The following ASB3 variants were observed in gnomAD, a reference collection of about 807,000 sequenced individuals.
ASB3 encodes ankyrin repeat and SOCS box protein 3.
A neutral mutation model predicts 54.5 loss-of-function variants in ASB3; 41 were observed. The ratio of observed to expected loss-of-function variants is 0.75; its 90% CI spans 0.59 to 0.98. The LOEUF (loss-of-function observed/expected upper bound fraction) is 0.98, where lower values mean the gene tolerates loss of function less well. Among genes scored for constraint, ASB3 ranks in the 50% least tolerant of loss-of-function variants. ASB3 has a pLI of 0.00. For missense variants in ASB3, 733 were observed against 620.0 expected (o/e 1.18, Z -1.94); for synonymous variants, 266 against 221.2 (o/e 1.20, Z -1.80).
At chr2:53,757,767 C>T (rs1558563512) in intron 2 of ASB3, among the ~76,000 whole-genome samples, 1 of 152,198 alleles carries the variant, frequency 6.6e-6, no homozygotes, top group Non-Finnish European at 1.5e-5. Flanking sequence ...GACCCATTCC[C>T]CACCACCCTT....
intron 8 of ASB3, 87 bp from the exon 9 acceptor site, chr2:53,694,101 C>G (rs1558520690): frequency 1.4e-6 from 2 of 1,477,384 alleles, no homozygotes; most frequent in Admixed American, 2.1e-5. Flanking sequence ...CCTATTCTTA[C>G]AAAATCTCAA....
intron 1 of ASB3, chr2:53,767,686 A>C: frequency 1.6e-6 from 1 of 619,082 alleles, no homozygotes; most frequent in Non-Finnish European, 2.8e-6. Flanking sequence ...TTGACACCCT[A>C]ATCAAGGAAA....
rs140302390 is a variant in ASB3 at position 53,764,962 on chromosome 2, A to C, written c.196+415T>G. ...TGTTTCATGCTAAGTAGTTGTAAAA[A>C]TTCCCAAAAGTATTAAAAAGTGTTT... On this transcript the variant is annotated intron_variant, in intron 2 of 9. Transcript: ENST00000263634. 4.4e-3 allele frequency among the ~76,000 whole-genome samples: 667 copies of C among 152,364 alleles called. 7 individuals are homozygous for C. Among genetic ancestry groups the C allele is most frequent in the African/African-American group, 0.015 (639 of 41,586 alleles).
intron 5 of ASB3, among the ~76,000 whole-genome samples, chr2:53,721,357 C>A (rs1670698915): frequency 6.9e-6 from 1 of 144,228 alleles, no homozygotes; most frequent in African/African-American, 2.6e-5. Flanking sequence ...GAGTTCGAGA[C>A]CAGCCTGGAA....
In ASB3 at chr2:53,739,361, C is replaced by T. The variant is rs751318366; in HGVS notation, c.356-9791G>A. On this transcript the variant is annotated intron_variant, in intron 3 of 9. Coordinates refer to ENST00000263634, the MANE Select transcript of ASB3 (RefSeq NM_016115.5). Reference sequence around the variant, plus strand: ...ATTTCATGAAAGCAAGAACTCAAAACGGGACTCTCATCTGGGAGAAATATG... The same window carrying T: ...ATTTCATGAAAGCAAGAACTCAAAATGGGACTCTCATCTGGGAGAAATATG... Among the ~76,000 whole-genome samples, 8 of 152,196 alleles carry T rather than the reference C, an allele frequency of 5.3e-5. No individual in the cohort carries two copies. In the South Asian group the frequency reaches 1.2e-3, roughly 24 times the overall value.
intron 7 of ASB3, among the ~76,000 whole-genome samples, chr2:53,708,578 GA>G (rs1324473338): frequency 6.6e-6 from 1 of 152,186 alleles, no homozygotes; most frequent in Non-Finnish European, 1.5e-5. Flanking sequence ...GGGCTCTGAA[GA>G]AGACAGAAAG....
Position 53,716,281 on chromosome 2 carries a change from G to A in ASB3, c.782+285C>T, listed in dbSNP as rs193156856. On this transcript the variant is annotated intron_variant, in intron 6 of 9. Coordinates refer to ENST00000263634, the MANE Select transcript of ASB3 (RefSeq NM_016115.5). ...ATAAAACTAGGGAGGAGGAGGCGGC[G>A]GATACAGCCATAACTAGAGAAATCA... is the stretch of plus-strand genomic sequence containing the variant. Among the ~76,000 whole-genome samples the A allele has an allele frequency of 9.2e-5, 14 of 152,164 alleles. No homozygotes were observed. In the East Asian group the frequency reaches 1.9e-3, roughly 21 times the overall value.
At chr2:53,720,627 A>G (rs561832250) in intron 5 of ASB3, among the ~76,000 whole-genome samples, 86 of 152,338 alleles carry the variant, frequency 5.6e-4, no homozygotes, top group Non-Finnish European at 4.0e-4. Flanking sequence ...AGAGATAGCA[A>G]TAATGTTGGG....
intron 1 of ASB3, among the ~76,000 whole-genome samples, chr2:53,769,235 G>A (rs1014149326): frequency 6.6e-6 from 1 of 152,200 alleles, no homozygotes; most frequent in African/African-American, 2.4e-5. Flanking sequence ...TTTTGGCTGG[G>A]CCCGGTAGCT....
chr2:53,757,371 C>T (rs1474925105), intron 2 of ASB3, among the ~76,000 whole-genome samples: 1 of 152,226 alleles, frequency 6.6e-6, no homozygotes, highest in Non-Finnish European at 1.5e-5. Flanking sequence ...CGAGGGCCGA[C>T]TAGAGGCAGA....
chr2:53,730,831 T>G (rs1010809719), intron 3 of ASB3, among the ~76,000 whole-genome samples: 2 of 152,180 alleles, frequency 1.3e-5, no homozygotes, highest in Non-Finnish European at 2.9e-5. Context: ...ATCATACAGT[T>G]ATTCTGTATC....
chr2:53,707,167 G>A (rs1217160110), intron 7 of ASB3, among the ~76,000 whole-genome samples: 1 of 152,200 alleles, frequency 6.6e-6, no homozygotes, highest in Non-Finnish European at 1.5e-5. Flanking sequence ...TGACTCTTGA[G>A]CATTTGAAGG....
chr2:53,674,883 G>T (rs1182384257), intron 9 of ASB3, among the ~76,000 whole-genome samples: 1 of 151,994 alleles, frequency 6.6e-6, no homozygotes, highest in African/African-American at 2.4e-5. Context: ...ACAAGTAATA[G>T]ATTAGGACAT....
chr2:53,683,125 G>A (rs1445147873), intron 9 of ASB3, among the ~76,000 whole-genome samples: 1 of 152,098 alleles, frequency 6.6e-6, no homozygotes, highest in East Asian at 1.9e-4. Context: ...GTCATAAACG[G>A]TGTTTACTGA....
chr2:53,707,573 G>A (rs1042878578), intron 7 of ASB3, among the ~76,000 whole-genome samples: 1 of 151,988 alleles, frequency 6.6e-6, no homozygotes, highest in African/African-American at 2.4e-5. Flanking sequence ...CATGAACCCA[G>A]GAGGCAGAGC....
Position 53,670,705 on chromosome 2 carries a change from A to T in ASB3, c.1370-15T>A, listed in dbSNP as rs781631475. The T allele has an allele frequency of 6.3e-7, 1 of 1,591,388 alleles. No homozygotes were observed. Among genetic ancestry groups the T allele is most frequent in the South Asian group, 1.1e-5 (1 of 87,902 alleles). Reference sequence around the variant, plus strand: ...TGGAACAGTGGCTGGAGAAACAAAAAAAGCAAGGTGAAACTTTTTTAAACA... The same window carrying T: ...TGGAACAGTGGCTGGAGAAACAAAATAAGCAAGGTGAAACTTTTTTAAACA... On this transcript the variant is annotated splice_polypyrimidine_tract_variant and intron_variant, in intron 9 of 9. Transcript: ENST00000263634.
chr2:53,701,289 T>C (rs1669480278), intron 7 of ASB3, among the ~76,000 whole-genome samples: 2 of 152,296 alleles, frequency 1.3e-5, no homozygotes. Context: ...AAAAAAAATT[T>C]AAAAACTTTT....
At position 53,763,941 on chromosome 2, in the gene ASB3, G is replaced by C. The variant is rs139078303; in HGVS notation, c.196+1436C>G. Among the ~76,000 whole-genome samples the C allele has an allele frequency of 2.4e-4, 36 of 152,102 alleles. No individual in the cohort carries two copies. In the East Asian group the frequency reaches 6.2e-3, roughly 26 times the overall value. On this transcript the variant is annotated intron_variant, in intron 2 of 9. Transcript: ENST00000263634. ...ATAGACACTAGACACTTGAACATGT[G>C]ATTTTAAAAACAATCATGACAAATT...
intron 5 of ASB3, among the ~76,000 whole-genome samples, chr2:53,719,503 T>C (rs1670580943): frequency 6.6e-6 from 1 of 152,004 alleles, no homozygotes; most frequent in South Asian, 2.1e-4. Context: ...ACCAGAGACA[T>C]GCTAGCTGCC....
Sources: gnomAD v4.1 joint callset for allele counts (sites outside exome capture counted in the v4.1 genomes callset) on GRCh38, gnomAD v4.1.1 for gene constraint, MANE v1.5 for transcripts, NCBI Gene and HGNC (gene_info 2026-07-23, HGNC 2026-07-21) for gene names.